C2orf92: variants seen among roughly 807,000 people sequenced by gnomAD.
The protein encoded by C2orf92 is uncharacterized protein C2orf92.
intron 6 of C2orf92, among the ~76,000 whole-genome samples, chr2:97,700,649 CA>C (rs1185568177): frequency 1.3e-5 from 2 of 152,130 alleles, no homozygotes; most frequent in African/African-American, 4.8e-5. Flanking sequence ...CAGATGAATG[CA>C]TATGAATGCA....
intron 5 of C2orf92, among the ~76,000 whole-genome samples, chr2:97,698,709 G>T (rs1156758075): frequency 6.6e-6 from 1 of 152,128 alleles, no homozygotes; most frequent in Non-Finnish European, 1.5e-5. Context: ...CCAGACCTAT[G>T]GAATCAGAAA....
intron 3 of C2orf92, among the ~76,000 whole-genome samples, chr2:97,681,234 A>G (rs1372384744): frequency 1.3e-5 from 2 of 151,834 alleles, no homozygotes; most frequent in African/African-American, 4.8e-5. Context: ...CCAGCAACAG[A>G]AGAATATGTA....
At chr2:97,701,385 C>G in intron 7 of C2orf92, 81 bp downstream of exon 7, 1 of 395,472 alleles carries the variant, frequency 2.5e-6, no homozygotes, top group Non-Finnish European at 4.5e-6. Context: ...TCCTGCTGAT[C>G]TGGTTTACGA....
upstream of C2orf92, chr2:97,669,663 A>G: frequency 2.5e-6 from 1 of 394,796 alleles, no homozygotes; most frequent in Admixed American, 4.4e-5. Flanking sequence ...AGCAGGCTCC[A>G]CCTCACTTCC....
chr2:97,692,410 T>C (rs547878066), intron 5 of C2orf92, among the ~76,000 whole-genome samples: 107 of 145,256 alleles, frequency 7.4e-4, no homozygotes, highest in Admixed American at 1.0e-3. Context: ...TTTACTTCTT[T>C]TTTTTTTTTT....
At chr2:97,696,544 T>A (rs1366179026) in intron 5 of C2orf92, among the ~76,000 whole-genome samples, 1 of 152,170 alleles carries the variant, frequency 6.6e-6, no homozygotes, top group Non-Finnish European at 1.5e-5. Context: ...GAGATTAGCC[T>A]GGCCAACATG....
intron 3 of C2orf92, among the ~76,000 whole-genome samples, chr2:97,679,939 G>A (rs1461619161): frequency 1.3e-5 from 2 of 151,592 alleles, no homozygotes; most frequent in Non-Finnish European, 2.9e-5. Flanking sequence ...GGAATGACGA[G>A]CAAAAGAAAA....
chr2:97,679,873 TA>T (rs1196468012), intron 3 of C2orf92, among the ~76,000 whole-genome samples: 1 of 129,892 alleles, frequency 7.7e-6, no homozygotes, highest in East Asian at 2.3e-4. Context: ...GAAAAAGAAA[TA>T]AAGAGTTGAA....
chr2:97,669,869 C>T (rs1675352915), intron 1 of C2orf92, 35 bp downstream of exon 1: 1 of 398,594 alleles, frequency 2.5e-6, no homozygotes, highest in East Asian at 3.6e-5. Context: ...GAAACATGGG[C>T]CTCACTTCAA....
At chr2:97,679,845 A>G (rs904604628) in intron 3 of C2orf92, among the ~76,000 whole-genome samples, 5 of 151,220 alleles carry the variant, frequency 3.3e-5, no homozygotes, top group African/African-American at 1.2e-4. Flanking sequence ...CTCAAAAAAA[A>G]AAAAAAAAGA....
At chr2:97,685,796 C>G (rs1446373157) in intron 3 of C2orf92, among the ~76,000 whole-genome samples, 5 of 152,124 alleles carry the variant, frequency 3.3e-5, no homozygotes, top group Non-Finnish European at 5.9e-5. Flanking sequence ...CTCCTGACCT[C>G]AGGTGATCTG....
At chr2:97,698,682 G>A (rs1295167623) in intron 5 of C2orf92, among the ~76,000 whole-genome samples, 1 of 152,072 alleles carries the variant, frequency 6.6e-6, no homozygotes, top group Non-Finnish European at 1.5e-5. Context: ...TGAGACATAC[G>A]CATTCCCAGG....
rs897047381 is a variant in C2orf92, at chr2:97,679,011, C to T, written c.232+3083C>T. Among the ~76,000 whole-genome samples the T allele has an allele frequency of 2.7e-5, 4 of 150,618 alleles. No individual in the cohort carries two copies. The East Asian group carries it at 5.8e-4, about 22-fold the overall frequency. On this transcript the variant is annotated intron_variant, in intron 3 of 7. Coordinates refer to ENST00000627399, the MANE Select transcript of C2orf92 (RefSeq NM_001351368.2). ...AAAAAAAAAAGTAAAAAGGAAAATA[C>T]TGTCAAGCAAGAATTCTCTATCTGA... is the stretch of plus-strand genomic sequence containing the variant.
Position 97,699,039 on chromosome 2 carries a change from G to A in C2orf92, c.417G>A (p.Glu139=), listed in dbSNP as rs546938063. 3.0e-4 allele frequency: 120 copies of A among 398,426 alleles called. No individual in the cohort carries two copies. Among genetic ancestry groups the A allele is most frequent in the South Asian group, 1.7e-3 (13 of 7,852 alleles). 24.7% of individuals were successfully genotyped at this position (398,426 alleles called of 1,614,324 possible). A position where few individuals can be genotyped will look rare whatever the true frequency, so the allele number is the denominator to read the frequency against. ...TATCTTTTGTAGATCACCTTTCAGA[G>A]GAGAAGAATTTTAAAGAATCCTGTC... ...DKIPDKDHLS[E]EKNFKESCLF... Residue 139 remains glutamate (E), a synonymous_variant, in exon 6 of 8, where the codon GAG becomes GAA. Coordinates refer to ENST00000627399, the MANE Select transcript of C2orf92 (RefSeq NM_001351368.2).
In C2orf92 at chr2:97,695,912, C is replaced by T. The variant is rs377167007; in HGVS notation, c.404-3114C>T. Among the ~76,000 whole-genome samples, 61 of 152,236 alleles carry T rather than the reference C, an allele frequency of 4.0e-4. No individual in the cohort carries two copies. In the East Asian group the frequency reaches 6.8e-3, roughly 17 times the overall value. ...GACTACAGGCACGCACCACCATGCC[C>T]GGCAGTCTTGCCTAGCAAGACAGGT... is the stretch of plus-strand genomic sequence containing the variant. On this transcript the variant is annotated intron_variant, in intron 5 of 7. Coordinates refer to ENST00000627399, the MANE Select transcript of C2orf92 (RefSeq NM_001351368.2).
intron 5 of C2orf92, among the ~76,000 whole-genome samples, chr2:97,692,343 A>G (rs897820525): frequency 7.3e-5 from 11 of 150,396 alleles, no homozygotes; most frequent in Non-Finnish European, 1.5e-4. Flanking sequence ...ATTTTTATAT[A>G]TTAATTTTAT....
intron 1 of C2orf92, 127 bp from the exon 2 acceptor site, chr2:97,674,329 A>C (rs574619460): frequency 2.0e-5 from 8 of 396,328 alleles, no homozygotes; most frequent in African/African-American, 1.4e-4. Context: ...CCCAAAGACA[A>C]GGCATTTACA....
At chr2:97,701,020 CG>C in intron 6 of C2orf92, 133 bp from the exon 7 acceptor site, 1 of 376,206 alleles carries the variant, frequency 2.7e-6, no homozygotes, top group Non-Finnish European at 4.7e-6. Flanking sequence ...CGTGAGCCAC[CG>C]CGCCCGGCCG....
upstream of C2orf92, chr2:97,663,956 G>C: frequency 2.3e-6 from 1 of 436,710 alleles, no homozygotes. Flanking sequence ...CGGGCGGGCG[G>C]GAGGACCGGG....
Sources: allele counts gnomAD v4.1 joint callset (sites outside exome capture counted in the v4.1 genomes callset), GRCh38; gene constraint gnomAD v4.1.1; transcripts MANE v1.5; gene names NCBI Gene and HGNC (gene_info 2026-07-23, HGNC 2026-07-21).